SIDT1: variants seen among roughly 807,000 people sequenced by gnomAD.
SIDT1 encodes the protein SID1 transmembrane family, member 1.
A neutral mutation model predicts 107.5 loss-of-function variants in SIDT1; 101 were observed. The ratio of observed to expected loss-of-function variants is 0.94; its 90% CI spans 0.80 to 1.11. SIDT1 has a LOEUF of 1.11. SIDT1 is among the 50% of genes least tolerant of loss of function. The pLI, the probability that SIDT1 is intolerant of heterozygous loss-of-function variation, is 0.00. For synonymous variants in SIDT1, 395 were observed against 398.2 expected, an observed-to-expected ratio of 0.99 and a Z score of 0.10; for missense variants, 1,076 against 1,058.2, an observed-to-expected ratio of 1.02 and a Z score of -0.23.
rs1943612863 is a variant in SIDT1, at chr3:113,584,735, G to C, written c.873G>C (p.Lys291Asn). ...AGACCTGGAATCTACAGCGAAAAAA[G>C]AACCTTGAAGTGACCATTGTCCCTT... is the stretch of plus-strand genomic sequence containing the variant. ...ENQTWNLQRK[K>N]NLEVTIVPSI... The change falls in exon 8 of 25, where the codon AAG becomes AAC. Residue 291 changes from lysine to asparagine, a missense_variant. Physicochemically the swap from Lys to Asn is moderately conservative, Grantham distance 94 (BLOSUM62 0). Coordinates refer to ENST00000264852, the MANE Select transcript of SIDT1 (RefSeq NM_017699.3). 1.2e-6 allele frequency: 2 copies of C among 1,600,218 alleles called. No homozygotes were observed. The highest frequency in any genetic ancestry group is 1.7e-6 in the Non-Finnish European group (2 of 1,176,304).
At chr3:113,627,360 T>C (rs1419583434) in intron 24 of SIDT1, among the ~76,000 whole-genome samples, 1 of 152,250 alleles carries the variant, frequency 6.6e-6, no homozygotes, top group African/African-American at 2.4e-5. Flanking sequence ...CTCTTTAGAA[T>C]GTAAGCTACA....
intron 3 of SIDT1, among the ~76,000 whole-genome samples, chr3:113,568,742 T>C (rs1560049256): frequency 1.3e-5 from 2 of 152,200 alleles, no homozygotes; most frequent in Admixed American, 6.5e-5. Context: ...CTCCTAGATA[T>C]CTCATTGTGG....
chr3:113,535,708 T>C (rs1408370250), intron 1 of SIDT1, among the ~76,000 whole-genome samples: 1 of 152,236 alleles, frequency 6.6e-6, no homozygotes, highest in Non-Finnish European at 1.5e-5. Flanking sequence ...ATTATTTTAG[T>C]GCCAGTATTC....
rs754868931 is a variant in SIDT1, at chr3:113,533,016, C to T, written c.-6C>T. On this transcript the variant is annotated 5_prime_UTR_variant, in exon 1 of 25. Transcript: ENST00000264852. The stretch of plus-strand genomic sequence containing the variant: ...TCCGCTTTCGAGCCCGGGCGCGGTG[C>T]CCACCATGCGCGGCTGCCTGCGGCT... 7.4e-7 allele frequency: 1 copy of T among 1,359,960 alleles called. No individual in the cohort carries two copies. The highest frequency in any genetic ancestry group is 1.9e-5 in the South Asian group (1 of 51,998). 84.2% of individuals were successfully genotyped at this position (1,359,960 alleles called of 1,614,324 possible).
At position 113,623,366 on chromosome 3, in the gene SIDT1, A is replaced by G; in HGVS notation, c.2091-61A>G. ...CCCCCTCAAGGGACTGGGGGATTGG[A>G]AAAGCCAATAGTGTTACAAATCCAC... On this transcript the variant is annotated intron_variant, in intron 21 of 24. Transcript: ENST00000264852. 5 of 1,108,126 alleles carry G rather than the reference A, an allele frequency of 4.5e-6. No individual in the cohort carries two copies. The South Asian group carries it at 6.2e-5, about 14-fold the overall frequency. The allele number at this position is 1,108,126 out of a possible 1,614,324, so 68.6% of individuals were successfully genotyped here.
At chr3:113,551,972 AC>A (rs1271601393) in intron 1 of SIDT1, among the ~76,000 whole-genome samples, 1 of 152,110 alleles carries the variant, frequency 6.6e-6, no homozygotes, top group Non-Finnish European at 1.5e-5. Flanking sequence ...ATTCCTGAGA[AC>A]TGGTATTTCT....
At chr3:113,593,070 A>C (rs1264278547) in intron 10 of SIDT1, 22 bp downstream of exon 10, 1 of 1,603,964 alleles carries the variant, frequency 6.2e-7, no homozygotes, top group East Asian at 2.2e-5. Flanking sequence ...GCTTGGTTTC[A>C]ATTCAAAATG....
chr3:113,592,883 G>T, intron 9 of SIDT1, 122 bp from the exon 10 acceptor site: 1 of 817,662 alleles, frequency 1.2e-6, no homozygotes, highest in Non-Finnish European at 2.2e-6. Flanking sequence ...ACCGCACCTG[G>T]CCCCAAAGAC....
intron 10 of SIDT1, 33 bp downstream of exon 10, chr3:113,593,081 G>A: frequency 1.9e-6 from 3 of 1,557,770 alleles, no homozygotes; most frequent in Non-Finnish European, 2.7e-6. Flanking sequence ...ATTCAAAATG[G>A]TGTCGCATAG....
chr3:113,549,360 T>C (rs1939954823), intron 1 of SIDT1, among the ~76,000 whole-genome samples: 1 of 152,172 alleles, frequency 6.6e-6, no homozygotes, highest in African/African-American at 2.4e-5. Context: ...GCTGTATCAT[T>C]TTGAATTATC....
Position 113,627,669 on chromosome 3 carries a change from C to T in SIDT1, c.2445C>T (p.Asp815=). 5 of 1,613,966 alleles carry T rather than the reference C, an allele frequency of 3.1e-6. No individual in the cohort carries two copies. Among genetic ancestry groups the T allele is most frequent in the Non-Finnish European group, 4.2e-6 (5 of 1,180,018 alleles). Residue 815 remains aspartate, a synonymous_variant, in exon 25 of 25, where the codon GAC becomes GAT. Coordinates refer to ENST00000264852, the MANE Select transcript of SIDT1 (RefSeq NM_017699.3). The stretch of plus-strand genomic sequence containing the variant: ...AGGTTTTGTTAACTTTGGATGATGA[C>T]CTTGATGTGGTTCGGAGAGACCAGA... ...SFLVLLTLDD[D]LDVVRRDQIP...
At position 113,603,087 on chromosome 3, in the gene SIDT1, G is replaced by A. The variant is rs757933703; in HGVS notation, c.1200G>A (p.Val400=). Residue 400 remains valine (V), a synonymous_variant, in exon 12 of 25, where the codon GTG becomes GTA. Transcript: ENST00000264852. ...PPGQSDTDSS[V]EESDFDTMPD... is the part of the protein sequence containing the mutation. ...GCCAGTCAGACACAGACAGCTCCGT[G>A]GAGGAGAGCGACTTCGACACCATGC... 43 of 1,614,030 alleles carry A rather than the reference G, an allele frequency of 2.7e-5. No individual in the cohort carries two copies. The Admixed American group carries it at 6.8e-4, about 26-fold the overall frequency.
At chr3:113,545,114 TA>T (rs554009768) in intron 1 of SIDT1, among the ~76,000 whole-genome samples, 7,852 of 73,660 alleles carry the variant, frequency 0.11, 226 homozygotes, top group Middle Eastern at 0.14. Context: ...GAGACTCTGT[TA>T]AAAAAAAAAA....
chr3:113,580,540 C>A, intron 4 of SIDT1, 68 bp from the exon 5 acceptor site: 1 of 956,368 alleles, frequency 1.0e-6, no homozygotes, highest in Non-Finnish European at 1.7e-6. Flanking sequence ...AAATTTTGTG[C>A]CTAATAGTAG....
At chr3:113,540,811 A>G (rs1938742110) in intron 1 of SIDT1, among the ~76,000 whole-genome samples, 1 of 152,092 alleles carries the variant, frequency 6.6e-6, no homozygotes. Context: ...TTTCCTTTGT[A>G]CTAATACATT....
In SIDT1 at chr3:113,533,000, G is replaced by A. The variant is rs1428470131; in HGVS notation, c.-22G>A. ...CCCTCCCCAGGGTGGCTCCGCTTTC[G>A]AGCCCGGGCGCGGTGCCCACCATGC... On this transcript the variant is annotated 5_prime_UTR_variant, in exon 1 of 25. Transcript: ENST00000264852. The A allele has an allele frequency of 2.2e-6, 3 of 1,340,052 alleles. No homozygotes were observed. The highest frequency in any genetic ancestry group is 3.1e-5 in the East Asian group (1 of 32,042). The allele number at this position is 1,340,052 out of a possible 1,614,324, so 83.0% of individuals were successfully genotyped here. A position where few individuals can be genotyped will look rare whatever the true frequency, so the allele number is the denominator to read the frequency against.
At chr3:113,620,071 G>A (rs1191107493) in intron 21 of SIDT1, among the ~76,000 whole-genome samples, 1 of 152,010 alleles carries the variant, frequency 6.6e-6, no homozygotes, top group East Asian at 1.9e-4. Flanking sequence ...TAGATAGATA[G>A]ATAGATAGAT....
At chr3:113,581,655 C>G (rs1560070058) in intron 6 of SIDT1, 1 of 507,620 alleles carries the variant, frequency 2.0e-6, no homozygotes, top group Non-Finnish European at 3.5e-6. Flanking sequence ...AGCGGATCAC[C>G]TAAAGTCAGG....
chr3:113,543,128 A>T (rs1351476348), intron 1 of SIDT1, among the ~76,000 whole-genome samples: 2 of 151,914 alleles, frequency 1.3e-5, no homozygotes, highest in African/African-American at 4.8e-5. Flanking sequence ...TTTAGGAGAG[A>T]CAGGGTTTCA....
Sources: allele counts gnomAD v4.1 joint callset (sites outside exome capture counted in the v4.1 genomes callset), GRCh38; gene constraint gnomAD v4.1.1; transcripts MANE v1.5; gene names NCBI Gene and HGNC (gene_info 2026-07-23, HGNC 2026-07-21).